The following SMS variants were observed in gnomAD, a reference collection of about 807,000 sequenced individuals.
SMS encodes the protein spermine synthase, also known as spermidine aminopropyltransferase.
In SMS, 3 loss-of-function variants were observed where a neutral mutation model predicts 33.0. The observed-to-expected ratio is 0.09, with a 90% CI of 0.04 to 0.23. SMS has a LOEUF of 0.23. Ranked by LOEUF, SMS falls within the 10% of genes least tolerant of loss-of-function variation. The probability of loss-of-function intolerance (pLI) is 1.00; values close to 1 mark genes in which losing one functional copy is unlikely to be tolerated. For synonymous variants in SMS, 103 were observed against 112.2 expected (o/e 0.92, Z 0.52); for missense variants, 117 against 288.6 (o/e 0.41, Z 4.31).
intron 1 of SMS, among the ~76,000 whole-genome samples, chrX:21,958,602 C>CA (rs776929192): frequency 8.9e-6 from 1 of 112,841 alleles, no homozygotes; most frequent in East Asian, 2.8e-4. Context: ...CCTTAGCCAT[C>CA]ACCCTTATTC....
chrX:21,970,631 C>T (rs995796269), intron 2 of SMS, among the ~76,000 whole-genome samples: 1 of 109,967 alleles, frequency 9.1e-6, no homozygotes, highest in Non-Finnish European at 1.9e-5. Context: ...TGCAGTGGTG[C>T]GATCATGGCT....
rs372817561 is a variant in SMS at position 21,964,062 on chromosome X, A to ATT, written c.50-3118_50-3117dup. Among the ~76,000 whole-genome samples the ATT allele has an allele frequency of 1.2e-3, 114 of 94,994 alleles. 1 individual carries two copies. Among genetic ancestry groups the ATT allele is most frequent in the African/African-American group, 2.4e-3 (61 of 25,438 alleles). 82.5% of individuals were successfully genotyped at this position (94,994 alleles called of 115,157 possible). The stretch of plus-strand genomic sequence containing the variant: ...TTTATCTTACCAAGTTTGAAATCAG[A>ATT]TTTTTTTTTTTTTTTTTGTGAAGTA... On this transcript the variant is annotated intron_variant, in intron 1 of 10. Coordinates refer to ENST00000404933, the MANE Select transcript of SMS (RefSeq NM_004595.5).
rs753519045 is a variant in SMS, at chrX:21,940,848, G to A, written c.24G>A (p.Thr8=). 114 of 1,114,219 alleles carry A rather than the reference G, an allele frequency of 1.0e-4. No individual in the cohort carries two copies. Among genetic ancestry groups the A allele is most frequent in the Non-Finnish European group, 1.2e-4 (106 of 852,119 alleles). The allele number at this position is 1,114,219 out of a possible 1,213,427, so 91.8% of individuals were successfully genotyped here. A position where few individuals can be genotyped will look rare whatever the true frequency, so the allele number is the denominator to read the frequency against. Reference sequence around the variant, plus strand: ...CTATGGCAGCAGCACGGCACAGCACGCTCGACTTCATGCTCGGCGCCAAAG... The same window carrying A: ...CTATGGCAGCAGCACGGCACAGCACACTCGACTTCATGCTCGGCGCCAAAG... MAAARHS[T]LDFMLGAKAD... The change falls in exon 1 of 11, where the codon ACG becomes ACA. Residue 8 remains threonine, a synonymous_variant. Transcript: ENST00000404933.
chrX:21,986,512 A>G (rs766303029), intron 9 of SMS, among the ~76,000 whole-genome samples: 80 of 111,752 alleles, frequency 7.2e-4, no homozygotes, highest in Non-Finnish European at 1.4e-3. Flanking sequence ...ATCTTGATTC[A>G]GGCTCCAGCC....
At chrX:21,943,734 A>G (rs747252337) in intron 1 of SMS, among the ~76,000 whole-genome samples, 3 of 111,332 alleles carry the variant, frequency 2.7e-5, no homozygotes, top group Non-Finnish European at 3.8e-5. Context: ...ATTCTCTTCC[A>G]TCACTTTATT....
At position 21,986,114 on chromosome X, in the gene SMS, C is replaced by T. The variant is rs751819998; in HGVS notation, c.945+891C>T. On this transcript the variant is annotated intron_variant, in intron 9 of 10. Coordinates refer to ENST00000404933, the MANE Select transcript of SMS (RefSeq NM_004595.5). ...CTGTAATCCTAGCACTTTGGGAGGC[C>T]GAGGCAGTTGGATTATCTGAGGTCA... Among the ~76,000 whole-genome samples the T allele has an allele frequency of 4.5e-5, 5 of 109,995 alleles. No individual in the cohort carries two copies. In the South Asian group the frequency reaches 1.6e-3, roughly 34 times the overall value.
At chrX:21,952,457 A>T in intron 1 of SMS, among the ~76,000 whole-genome samples, 1 of 94,891 alleles carries the variant, frequency 1.1e-5, no homozygotes, top group Non-Finnish European at 2.1e-5. Context: ...CTAGCCTTGT[A>T]TACCTGGAAT....
chrX:21,944,522 CAAA>C (rs777680386), intron 1 of SMS, among the ~76,000 whole-genome samples: 3 of 34,712 alleles, frequency 8.6e-5, no homozygotes, highest in Admixed American at 4.9e-4. Flanking sequence ...CCTGTCTCTA[CAAA>C]AAAAAAAAAA....
intron 1 of SMS, among the ~76,000 whole-genome samples, chrX:21,953,915 C>A (rs1302483661): frequency 1.0e-5 from 1 of 95,763 alleles, no homozygotes; most frequent in Non-Finnish European, 2.1e-5. Context: ...TGCTGTTATC[C>A]TTCTCTTTTT....
At chrX:21,963,670 C>A (rs1425672104) in intron 1 of SMS, among the ~76,000 whole-genome samples, 1 of 111,537 alleles carries the variant, frequency 9.0e-6, no homozygotes, top group Non-Finnish European at 1.9e-5. Context: ...CACCCCCTTT[C>A]CTTGGCCTAA....
intron 1 of SMS, among the ~76,000 whole-genome samples, chrX:21,949,464 G>A (rs1922460609): frequency 8.9e-6 from 1 of 112,136 alleles, no homozygotes; most frequent in Admixed American, 9.5e-5. Context: ...CAAGAGAAGA[G>A]GCAGAAAATA....
chrX:21,960,315 A>G (rs1476786018), intron 1 of SMS, among the ~76,000 whole-genome samples: 1 of 110,787 alleles, frequency 9.0e-6, no homozygotes, highest in African/African-American at 3.3e-5. Flanking sequence ...TGGCGAGAAT[A>G]GAAATTCATC....
At chrX:21,967,386 TG>T (rs1923810573) in intron 2 of SMS, 70 bp downstream of exon 2, 11 of 1,126,085 alleles carry the variant, frequency 9.8e-6, no homozygotes, top group Non-Finnish European at 1.2e-5. Flanking sequence ...GAGTGGAGGA[TG>T]GGGGTGGCAT....
intron 1 of SMS, among the ~76,000 whole-genome samples, chrX:21,960,630 C>G (rs976430301): frequency 2.7e-5 from 3 of 111,989 alleles, no homozygotes; most frequent in African/African-American, 9.7e-5. Flanking sequence ...ACAGTTTGTA[C>G]TGTGGTTAAA....
chrX:21,962,166 AT>A (rs772951501), intron 1 of SMS, among the ~76,000 whole-genome samples: 1 of 111,694 alleles, frequency 9.0e-6, no homozygotes, highest in Non-Finnish European at 1.9e-5. Context: ...CATTCCTGAC[AT>A]TTAGTGGGTA....
At chrX:21,966,732 T>C (rs1923748000) in intron 1 of SMS, among the ~76,000 whole-genome samples, 1 of 112,526 alleles carries the variant, frequency 8.9e-6, no homozygotes, top group Non-Finnish European at 1.9e-5. Flanking sequence ...GTCATTTATA[T>C]TACTCATCAG....
At chrX:21,991,865 C>T (rs1454637469) in intron 9 of SMS, among the ~76,000 whole-genome samples, 2 of 111,638 alleles carry the variant, frequency 1.8e-5, no homozygotes, top group Non-Finnish European at 3.8e-5. Context: ...TAGGTCATAG[C>T]TTAGAAGAAA....
chrX:21,970,799 A>G (rs543156913), intron 2 of SMS, among the ~76,000 whole-genome samples: 3 of 105,221 alleles, frequency 2.9e-5, no homozygotes, highest in Admixed American at 1.0e-4. Context: ...TCTGAACAGA[A>G]TTGATCTTCT....
intron 2 of SMS, among the ~76,000 whole-genome samples, chrX:21,971,261 A>G (rs1428471692): frequency 9.6e-6 from 1 of 103,933 alleles, no homozygotes; most frequent in Non-Finnish European, 2.0e-5. Context: ...ATCTTGGTGC[A>G]TGTGATACAC....
Sources: gnomAD v4.1 joint callset for allele counts (sites outside exome capture counted in the v4.1 genomes callset) on GRCh38, gnomAD v4.1.1 for gene constraint, MANE v1.5 for transcripts, NCBI Gene and HGNC (gene_info 2026-07-23, HGNC 2026-07-21) for gene names.